Variants in HACE1 observed in about 807,000 individuals in gnomAD.
HACE1 encodes the protein HECT domain and ankyrin repeat containing E3 ubiquitin protein ligase 1.
In HACE1, 73 loss-of-function variants were observed where a neutral mutation model predicts 118.4. The observed-to-expected ratio is 0.62, with a 90% CI of 0.51 to 0.75. The LOEUF is 0.75. Ranked by LOEUF, HACE1 falls within the 30% of genes least tolerant of loss-of-function variation. The pLI, the probability that HACE1 is intolerant of heterozygous loss-of-function variation, is 0.00. For synonymous variants in HACE1, 368 were observed against 374.8 expected, an observed-to-expected ratio of 0.98 and a Z score of 0.21; for missense variants, 749 against 1,102.2, an observed-to-expected ratio of 0.68 and a Z score of 4.54.
At chr6:104,843,055 G>A (rs1775269719) in intron 5 of HACE1, among the ~76,000 whole-genome samples, 168 bp downstream of exon 5, 1 of 152,174 alleles carries the variant, frequency 6.6e-6, no homozygotes, top group African/African-American at 2.4e-5. Context: ...AGATTGCAGT[G>A]AGCACAGATT....
At chr6:104,806,808 T>C (rs916145322) in intron 7 of HACE1, among the ~76,000 whole-genome samples, 7 of 152,142 alleles carry the variant, frequency 4.6e-5, no homozygotes, top group Non-Finnish European at 1.0e-4. Flanking sequence ...ATAAGAAACT[T>C]GTGGTGGCTT....
In HACE1 at chr6:104,814,973, A is replaced by G. The variant is rs1218709915; in HGVS notation, c.535-3580T>C. 1.4e-5 allele frequency among the ~76,000 whole-genome samples: 2 copies of G among 138,500 alleles called. 1 individual carries two copies. The highest frequency in any genetic ancestry group is 4.3e-4 in the East Asian group (2 of 4,664). The allele number at this position is 138,500 out of a possible 152,430, so 90.9% of individuals were successfully genotyped here. The stretch of plus-strand genomic sequence containing the variant: ...ATTACTCAGTCTCAAGTAGTTCTTT[A>G]TATCAGTGTGAAAAATTGACTAATA... On this transcript the variant is annotated intron_variant, in intron 6 of 23. Transcript: ENST00000262903.
chr6:104,844,661 C>T (rs1474625121), intron 4 of HACE1, among the ~76,000 whole-genome samples: 1 of 142,378 alleles, frequency 7.0e-6, no homozygotes, highest in Non-Finnish European at 1.5e-5. Flanking sequence ...TCCATCACAA[C>T]CTTTTTTTTT....
At position 104,744,504 on chromosome 6, in the gene HACE1, A is replaced by T. The variant is rs1211225185; in HGVS notation, c.2442+8T>A. 5 of 1,459,274 alleles carry T rather than the reference A, an allele frequency of 3.4e-6. No individual in the cohort carries two copies. In the Admixed American group the frequency reaches 8.4e-5, roughly 24 times the overall value. 90.4% of individuals were successfully genotyped at this position (1,459,274 alleles called of 1,614,324 possible). On this transcript the variant is annotated splice_region_variant and intron_variant, in intron 21 of 23. Coordinates refer to ENST00000262903, the MANE Select transcript of HACE1 (RefSeq NM_020771.4). ...TTAACTTCATTCTAAGCTCTAGAGA[A>T]ATTTTACCTGAATAACTGGATCTTC...
chr6:104,750,535 T>C (rs557469569), intron 19 of HACE1, 63 bp from the exon 20 acceptor site: 2 of 1,404,440 alleles, frequency 1.4e-6, no homozygotes, highest in African/African-American at 1.4e-5. Flanking sequence ...AATGTTAATA[T>C]AATTATTTCT....
At chr6:104,795,115 T>C (rs1307769069) in intron 10 of HACE1, among the ~76,000 whole-genome samples, 1 of 152,072 alleles carries the variant, frequency 6.6e-6, no homozygotes, top group Non-Finnish European at 1.5e-5. Context: ...AACTTAGTGA[T>C]GATAAAACCA....
intron 5 of HACE1, among the ~76,000 whole-genome samples, chr6:104,834,310 A>G (rs1774310907): frequency 6.6e-6 from 1 of 152,200 alleles, no homozygotes; most frequent in Non-Finnish European, 1.5e-5. Flanking sequence ...CCAGAAGCAA[A>G]CATAAGTTAA....
chr6:104,849,459 C>T (rs1156363277), intron 3 of HACE1, among the ~76,000 whole-genome samples: 1 of 152,078 alleles, frequency 6.6e-6, no homozygotes, highest in Non-Finnish European at 1.5e-5. Context: ...ACCTCAGCCT[C>T]CCAAGTAGCT....
intron 22 of HACE1, among the ~76,000 whole-genome samples, chr6:104,737,413 GT>G (rs1776006915): frequency 6.6e-6 from 1 of 152,052 alleles, no homozygotes; most frequent in African/African-American, 2.4e-5. Flanking sequence ...TCCATCTGAG[GT>G]ACCGGGTTCA....
intron 4 of HACE1, 135 bp downstream of exon 4, chr6:104,849,007 A>G (rs552701443): frequency 1.5e-6 from 1 of 654,468 alleles, no homozygotes; most frequent in African/African-American, 1.8e-5. Context: ...AAATATAGAA[A>G]ATAAAATATG....
chr6:104,750,341 C>T lies in HACE1; in HGVS notation c.2343G>A (p.Leu781=), dbSNP rs761077926. ...SLIQLFDEYE[L]ELLLSGMPEI... ...CATAAGAACTGATGTTTTTCCTTAC[C>T]AATTCATATTCATCAAAAAGCTGTA... is the stretch of plus-strand genomic sequence containing the variant. The change falls in exon 20 of 24, where the codon TTG becomes TTA. Residue 781 remains leucine, a splice_region_variant and synonymous_variant. Transcript: ENST00000262903. The T allele has an allele frequency of 1.2e-6, 2 of 1,611,530 alleles. No individual in the cohort carries two copies. Among genetic ancestry groups the T allele is most frequent in the Admixed American group, 1.7e-5 (1 of 59,874 alleles).
At chr6:104,783,675 T>G (rs898811083) in intron 14 of HACE1, among the ~76,000 whole-genome samples, 1 of 152,192 alleles carries the variant, frequency 6.6e-6, no homozygotes, top group Non-Finnish European at 1.5e-5. Flanking sequence ...GTTAGGAGGA[T>G]TAACAAAGCT....
chr6:104,759,091 A>T (rs530242308), intron 19 of HACE1, among the ~76,000 whole-genome samples: 2 of 152,272 alleles, frequency 1.3e-5, no homozygotes, highest in East Asian at 3.9e-4. Flanking sequence ...AGACTCCCAC[A>T]CAATAATGGG....
intron 20 of HACE1, among the ~76,000 whole-genome samples, chr6:104,748,842 G>A (rs527380925): frequency 1.1e-4 from 16 of 152,282 alleles, no homozygotes; most frequent in East Asian, 3.9e-4. Flanking sequence ...GGCGAATCTC[G>A]TCTATGATTT....
At position 104,843,364 on chromosome 6, in the gene HACE1, A is replaced by G. The variant is rs1775300042; in HGVS notation, c.327-66T>C. 4 of 798,630 alleles carry G rather than the reference A, an allele frequency of 5.0e-6. No individual in the cohort carries two copies. The Admixed American group carries it at 5.1e-5, about 10-fold the overall frequency. 49.5% of individuals were successfully genotyped at this position (798,630 alleles called of 1,614,324 possible). ...AATATATGCAAATGACAATTAATTT[A>G]CTGAAATATTAGCAACAATCAATAA... On this transcript the variant is annotated intron_variant, in intron 4 of 23. Transcript: ENST00000262903.
chr6:104,787,830 G>A (rs923238391), intron 11 of HACE1, among the ~76,000 whole-genome samples: 9 of 152,042 alleles, frequency 5.9e-5, no homozygotes, highest in Non-Finnish European at 1.0e-4. Context: ...CAAAGATGTC[G>A]AAAAGCCAGA....
At chr6:104,848,104 G>A (rs769069938) in intron 4 of HACE1, among the ~76,000 whole-genome samples, 17 of 151,200 alleles carry the variant, frequency 1.1e-4, no homozygotes, top group Non-Finnish European at 2.2e-4. Flanking sequence ...CGCCCGCCTT[G>A]GCCTCCCAAA....
chr6:104,814,790 C>T (rs188334092), intron 6 of HACE1, among the ~76,000 whole-genome samples: 1 of 137,264 alleles, frequency 7.3e-6, no homozygotes, highest in Non-Finnish European at 1.6e-5. Flanking sequence ...GCACATCCCC[C>T]CTCACGCTCT....
chr6:104,816,547 GAAT>G (rs1191633679), intron 6 of HACE1, among the ~76,000 whole-genome samples: 5 of 152,258 alleles, frequency 3.3e-5, no homozygotes, highest in African/African-American at 1.2e-4. Context: ...AGATTTCAGA[GAAT>G]GTATGGAAAT....
Sources: gnomAD v4.1 joint callset for allele counts (sites outside exome capture counted in the v4.1 genomes callset) on GRCh38, gnomAD v4.1.1 for gene constraint, MANE v1.5 for transcripts, NCBI Gene and HGNC (gene_info 2026-07-23, HGNC 2026-07-21) for gene names.